UNC79: variants seen among roughly 807,000 people sequenced by gnomAD.
The protein encoded by UNC79 is unc-79 subunit of NALCN channel complex, also known as protein unc-79 homolog.
UNC79 carries 37 observed loss-of-function variants against 283.1 expected under a neutral mutation model. The observed-to-expected ratio is 0.13, with a 90% CI of 0.10 to 0.17. The LOEUF (loss-of-function observed/expected upper bound fraction) is 0.17, where lower values mean the gene tolerates loss of function less well. Ranked by LOEUF, UNC79 falls within the 10% of genes least tolerant of loss-of-function variation. The probability of loss-of-function intolerance (pLI) is 1.00; values close to 1 mark genes in which losing one functional copy is unlikely to be tolerated. For missense variants in UNC79, 2,272 were observed against 3,211.1 expected (o/e 0.71, Z 7.07); for synonymous variants, 1,107 against 1,200.2 (o/e 0.92, Z 1.61).
At chr14:93,369,967 T>A (rs1471722408) in intron 1 of UNC79, among the ~76,000 whole-genome samples, 1 of 152,070 alleles carries the variant, frequency 6.6e-6, no homozygotes, top group Non-Finnish European at 1.5e-5. Flanking sequence ...CTGTCCCACT[T>A]AAGAGGGGTG....
chr14:93,485,060 C>G (rs555360466), intron 4 of UNC79, among the ~76,000 whole-genome samples: 1 of 152,210 alleles, frequency 6.6e-6, no homozygotes, highest in South Asian at 2.1e-4. Flanking sequence ...TACAGTGACT[C>G]TCAGCCTTCC....
Position 93,621,116 on chromosome 14 carries a change from TTTA to T in UNC79, c.4388-500_4388-498del. The T allele has an allele frequency of 2.3e-6, 1 of 438,672 alleles. No homozygotes were observed. Among genetic ancestry groups the T allele is most frequent in the Non-Finnish European group, 4.5e-6 (1 of 223,698 alleles). 27.2% of individuals were successfully genotyped at this position (438,672 alleles called of 1,614,324 possible). ...CGTTTGTTTGGGGTGAAATCTTAAT[TTTA>T]TTATGTTACTACACATTTTAATACC... On this transcript the variant is annotated intron_variant, in intron 29 of 48. Transcript: ENST00000555664. The surrounding 1 kb of genome is among the most constrained non-coding windows in gnomAD (Gnocchi z 4.8).
chr14:93,613,442 GTCT>G (rs1210427401), intron 27 of UNC79, among the ~76,000 whole-genome samples: 6 of 150,724 alleles, frequency 4.0e-5, no homozygotes, highest in African/African-American at 1.5e-4. Flanking sequence ...TTGAGATGGA[GTCT>G]CGCTCTGTTG....
exon 13 of UNC79, chr14:93,540,793 G>A (rs748303152): frequency 1.9e-6 from 3 of 1,613,354 alleles, no homozygotes; most frequent in Non-Finnish European, 2.5e-6. Flanking sequence ...TGATAAACAC[G>A]ATCAGAGGCT....
intron 1 of UNC79, among the ~76,000 whole-genome samples, chr14:93,378,586 A>G (rs1421822159): frequency 6.6e-6 from 1 of 152,212 alleles, no homozygotes; most frequent in Non-Finnish European, 1.5e-5. Flanking sequence ...CATATGAACC[A>G]TATACAGATA....
At chr14:93,556,602 T>G (rs1392193349) in intron 14 of UNC79, among the ~76,000 whole-genome samples, 2 of 152,008 alleles carry the variant, frequency 1.3e-5, no homozygotes, top group Admixed American at 1.3e-4. Flanking sequence ...TGTCAGAAAT[T>G]ACCTTAAGTC....
exon 27 of UNC79, chr14:93,613,038 G>A (rs2066420722): frequency 6.2e-7 from 1 of 1,614,218 alleles, no homozygotes; most frequent in East Asian, 2.2e-5. Flanking sequence ...CTCAAAAAAT[G>A]CGCCTGTCAA....
At chr14:93,340,668 C>T (rs2053689110) in intron 1 of UNC79, among the ~76,000 whole-genome samples, 1 of 151,762 alleles carries the variant, frequency 6.6e-6, no homozygotes, top group Non-Finnish European at 1.5e-5. Context: ...CCTCCCCAGC[C>T]TCAGATGATT....
chr14:93,458,761 G>C (rs1476331278), intron 1 of UNC79, among the ~76,000 whole-genome samples: 1 of 152,172 alleles, frequency 6.6e-6, no homozygotes, highest in East Asian at 1.9e-4. Flanking sequence ...CCGTGCTACT[G>C]TTGACCATCT....
chr14:93,519,878 T>C (rs2060242142), intron 7 of UNC79, among the ~76,000 whole-genome samples: 1 of 151,820 alleles, frequency 6.6e-6, no homozygotes, highest in Non-Finnish European at 1.5e-5. Flanking sequence ...ATATATATTA[T>C]TAGCCTCTAT....
At chr14:93,550,064 C>T (rs2402307) in intron 14 of UNC79, among the ~76,000 whole-genome samples, 39,121 of 151,984 alleles carry the variant, frequency 0.26, 5,592 homozygotes, top group East Asian at 0.69. Context: ...TTCAGAGAAA[C>T]GGGGTCAGTG....
intron 43 of UNC79, among the ~76,000 whole-genome samples, chr14:93,687,719 T>C (rs946420038): frequency 1.5e-4 from 23 of 152,278 alleles, no homozygotes; most frequent in Admixed American, 9.2e-4. Context: ...TGAGCTCCCC[T>C]GTCGTTCGCT....
intron 1 of UNC79, among the ~76,000 whole-genome samples, chr14:93,421,547 C>T (rs1488615926): frequency 6.6e-6 from 1 of 151,512 alleles, no homozygotes; most frequent in African/African-American, 2.4e-5. Context: ...TACCAGTCCT[C>T]TTCAAACATA....
exon 24 of UNC79, chr14:93,597,432 C>T: frequency 1.2e-6 from 2 of 1,614,194 alleles, no homozygotes. Flanking sequence ...TGAAGTACTC[C>T]CTGGCACATG....
chr14:93,536,897 T>C (rs1223277505), intron 11 of UNC79, among the ~76,000 whole-genome samples: 1 of 151,094 alleles, frequency 6.6e-6, no homozygotes, highest in East Asian at 2.0e-4. Flanking sequence ...TTTTTCCTAC[T>C]GAGACCACAT....
At chr14:93,648,712 G>A (rs189018967) in intron 35 of UNC79, among the ~76,000 whole-genome samples, 8 of 152,198 alleles carry the variant, frequency 5.3e-5, no homozygotes, top group African/African-American at 1.9e-4. Flanking sequence ...CTTAAGAAGT[G>A]ATGTTTAAAC....
chr14:93,687,365 C>G lies in UNC79; in HGVS notation c.6909+704C>G, dbSNP rs181245907. Reference sequence around the variant, plus strand: ...GGTGGAATGAATTGCTGATGCAGGTCCACTTTCCTGCTGTGATTCAACTAG... The same window carrying G: ...GGTGGAATGAATTGCTGATGCAGGTGCACTTTCCTGCTGTGATTCAACTAG... On this transcript the variant is annotated intron_variant, in intron 43 of 48. Coordinates refer to ENST00000555664, the Ensembl canonical transcript of UNC79. 7.2e-4 allele frequency among the ~76,000 whole-genome samples: 110 copies of G among 152,244 alleles called. 1 individual carries two copies. Among genetic ancestry groups the G allele is most frequent in the African/African-American group, 2.6e-3 (106 of 41,542 alleles).
At chr14:93,628,556 TCTCCC>T (rs774071746) in intron 30 of UNC79, among the ~76,000 whole-genome samples, 2 of 152,142 alleles carry the variant, frequency 1.3e-5, no homozygotes, top group Non-Finnish European at 2.9e-5. Context: ...ATTGTCTGTC[TCTCCC>T]CTCCCAAATG....
intron 26 of UNC79, among the ~76,000 whole-genome samples, chr14:93,606,470 G>A (rs1419150079): frequency 1.3e-5 from 2 of 152,160 alleles, no homozygotes; most frequent in Non-Finnish European, 2.9e-5. Flanking sequence ...GACCCTGACT[G>A]TTTCTAACTT....
Sources: gnomAD v4.1 joint callset for allele counts (sites outside exome capture counted in the v4.1 genomes callset) on GRCh38, gnomAD v4.1.1 for gene constraint, Gnocchi (gnomAD v3.1) non-coding constraint, MANE v1.5 for transcripts, NCBI Gene and HGNC (gene_info 2026-07-23, HGNC 2026-07-21) for gene names.